Variants in CDH13 observed in about 807,000 individuals in gnomAD.
The protein encoded by CDH13 is cadherin-13.
CDH13 carries 24 observed loss-of-function variants against 63.8 expected under a neutral mutation model. The observed-to-expected ratio is 0.38, with a 90% CI of 0.27 to 0.53. The LOEUF is 0.53. Ranked by LOEUF, CDH13 falls within the 20% of genes least tolerant of loss-of-function variation. The probability of loss-of-function intolerance (pLI) is 0.85; values close to 1 mark genes in which losing one functional copy is unlikely to be tolerated. For missense variants in CDH13, 1,049 were observed against 903.1 expected, an observed-to-expected ratio of 1.16 and a Z score of -2.07; for synonymous variants, 503 against 355.3, an observed-to-expected ratio of 1.42 and a Z score of -4.67.
intron 6 of CDH13, among the ~76,000 whole-genome samples, chr16:83,366,714 T>G (rs563232855): frequency 3.3e-5 from 5 of 152,318 alleles, no homozygotes; most frequent in South Asian, 2.1e-4. Flanking sequence ...TCCCTTAATG[T>G]ACTTGTTTTG....
intron 8 of CDH13, 136 bp downstream of exon 8, chr16:83,602,730 G>C: frequency 1.1e-6 from 1 of 898,468 alleles, no homozygotes; most frequent in Non-Finnish European, 1.8e-6. Context: ...AGACGATGGT[G>C]TTTTGCTGGA....
chr16:82,997,190 G>C (rs1252335796), intron 2 of CDH13, among the ~76,000 whole-genome samples: 2 of 152,024 alleles, frequency 1.3e-5, no homozygotes, highest in Admixed American at 6.6e-5. Flanking sequence ...TGGTGATGTT[G>C]ATGGTAGTGA....
intron 6 of CDH13, among the ~76,000 whole-genome samples, chr16:83,352,821 C>T (rs761980980): frequency 3.0e-4 from 45 of 152,056 alleles, no homozygotes; most frequent in African/African-American, 1.0e-3. Context: ...ACCCGGGAGG[C>T]GGAGTGTACA....
chr16:83,218,707 C>G (rs1467976901), intron 5 of CDH13, among the ~76,000 whole-genome samples: 1 of 152,156 alleles, frequency 6.6e-6, no homozygotes, highest in Non-Finnish European at 1.5e-5. Context: ...AATTTCTTAA[C>G]AGAGTGATCA....
intron 1 of CDH13, among the ~76,000 whole-genome samples, chr16:82,807,327 CA>C (rs2037195372): frequency 6.6e-6 from 1 of 152,042 alleles, no homozygotes; most frequent in African/African-American, 2.4e-5. Flanking sequence ...TTTTTCCAGG[CA>C]AAAGAAAATA....
At chr16:83,096,419 A>G (rs1420016173) in intron 3 of CDH13, among the ~76,000 whole-genome samples, 1 of 152,206 alleles carries the variant, frequency 6.6e-6, no homozygotes, top group Admixed American at 6.5e-5. Flanking sequence ...TCCAATAGCT[A>G]CTGAAATACA....
At chr16:83,178,122 C>G (rs2038201980) in intron 4 of CDH13, among the ~76,000 whole-genome samples, 1 of 152,100 alleles carries the variant, frequency 6.6e-6, no homozygotes, top group Non-Finnish European at 1.5e-5. Context: ...CTGGTTTTGG[C>G]TTCTCTGTTT....
intron 4 of CDH13, among the ~76,000 whole-genome samples, chr16:83,144,383 A>C (rs979516314): frequency 6.6e-6 from 1 of 152,236 alleles, no homozygotes; most frequent in African/African-American, 2.4e-5. Context: ...CCCAAGCAGA[A>C]TATTTTAAAA....
intron 6 of CDH13, among the ~76,000 whole-genome samples, chr16:83,345,710 TATA>T (rs1404367049): frequency 6.6e-6 from 1 of 152,270 alleles, no homozygotes; most frequent in East Asian, 1.9e-4. Context: ...CACTCCTAAG[TATA>T]ATGCTTGAGA....
intron 5 of CDH13, among the ~76,000 whole-genome samples, chr16:83,339,540 G>C (rs1255538136): frequency 1.3e-5 from 2 of 152,080 alleles, no homozygotes; most frequent in Non-Finnish European, 2.9e-5. Context: ...AAGTCACCAT[G>C]GTGGGCTCTT....
chr16:83,487,485 C>T (rs1340324953), intron 7 of CDH13, among the ~76,000 whole-genome samples: 5 of 152,168 alleles, frequency 3.3e-5, no homozygotes, highest in African/African-American at 1.2e-4. Context: ...TACGTTTCCA[C>T]GTGCATGGGC....
intron 4 of CDH13, among the ~76,000 whole-genome samples, chr16:83,183,084 T>C (rs763424178): frequency 6.6e-6 from 1 of 152,208 alleles, no homozygotes; most frequent in Non-Finnish European, 1.5e-5. Context: ...TTCTTTTTAT[T>C]ATTATAAACA....
At chr16:83,196,397 C>T (rs1423423598) in intron 4 of CDH13, among the ~76,000 whole-genome samples, 1 of 152,122 alleles carries the variant, frequency 6.6e-6, no homozygotes, top group Non-Finnish European at 1.5e-5. Context: ...ATACTTGTCA[C>T]AAACAGGTGT....
intron 5 of CDH13, among the ~76,000 whole-genome samples, chr16:83,328,729 C>T (rs915514208): frequency 3.9e-5 from 6 of 152,114 alleles, no homozygotes; most frequent in Non-Finnish European, 8.8e-5. Flanking sequence ...GCATTGGGCA[C>T]CCTGTTAGCA....
chr16:83,710,087 A>G (rs1377444929), intron 10 of CDH13: 1 of 152,252 alleles, frequency 6.6e-6, no homozygotes, highest in Non-Finnish European at 1.5e-5. Context: ...GGGGAATGCC[A>G]CTGGCATCTA....
chr16:83,104,076 C>T (rs1364007378), intron 3 of CDH13, among the ~76,000 whole-genome samples: 1 of 152,176 alleles, frequency 6.6e-6, no homozygotes. Flanking sequence ...ACTGATCCTT[C>T]TGGCTTTTAA....
At chr16:83,170,907 T>C (rs1054298320) in intron 4 of CDH13, among the ~76,000 whole-genome samples, 3 of 146,834 alleles carry the variant, frequency 2.0e-5, no homozygotes, top group Non-Finnish European at 4.6e-5. Context: ...ATGACAAAAT[T>C]GACAAAGTTT....
rs151272377 is a variant in CDH13, at chr16:82,687,521, C to G, written c.45+60384C>G. ...GAAGGAGGAGCAAAGTCACATCTTGCATGGTGACAGGCAAGAGAGAGCATG... is the reference window on the plus strand; with the variant it reads ...GAAGGAGGAGCAAAGTCACATCTTGGATGGTGACAGGCAAGAGAGAGCATG... On this transcript the variant is annotated intron_variant, in intron 1 of 13. Coordinates refer to ENST00000567109, the MANE Select transcript of CDH13 (RefSeq NM_001257.5). Among the ~76,000 whole-genome samples the G allele has an allele frequency of 9.5e-3, 1,452 of 152,250 alleles. 23 individuals carry two copies. The highest frequency in any genetic ancestry group is 0.027 in the African/African-American group (1,125 of 41,532).
intron 1 of CDH13, among the ~76,000 whole-genome samples, chr16:82,844,233 C>T (rs2151138381): frequency 6.6e-6 from 1 of 152,230 alleles, no homozygotes; most frequent in East Asian, 1.9e-4. Flanking sequence ...GGCCATGCTG[C>T]TGGCTTGAAT....
Sources: allele counts gnomAD v4.1 joint callset (sites outside exome capture counted in the v4.1 genomes callset), GRCh38; gene constraint gnomAD v4.1.1; transcripts MANE v1.5; gene names NCBI Gene and HGNC (gene_info 2026-07-23, HGNC 2026-07-21).